GRHL2: variants seen among roughly 807,000 people sequenced by gnomAD.
GRHL2 encodes grainyhead like transcription factor 2.
In GRHL2, 21 loss-of-function variants were observed where a neutral mutation model predicts 83.8. That is an observed-to-expected ratio of 0.25 (90% CI 0.18 to 0.36). The LOEUF (loss-of-function observed/expected upper bound fraction) is 0.36, where lower values mean the gene tolerates loss of function less well. GRHL2 is among the 10% of genes least tolerant of loss of function. GRHL2 has a pLI of 1.00. For synonymous variants in GRHL2, 280 were observed against 278.9 expected (o/e 1.00, Z -0.04); for missense variants, 623 against 781.8 (o/e 0.80, Z 2.42).
chr8:101,652,317 T>TG (rs1813642577), intron 14 of GRHL2, among the ~76,000 whole-genome samples: 1 of 139,824 alleles, frequency 7.2e-6, no homozygotes, highest in African/African-American at 2.9e-5. Context: ...GTAGTGTGTG[T>TG]GCGTGTGTGT....
intron 1 of GRHL2, among the ~76,000 whole-genome samples, chr8:101,506,086 T>C (rs1223157251): frequency 6.6e-6 from 1 of 152,234 alleles, no homozygotes; most frequent in African/African-American, 2.4e-5. Context: ...TACAGAGATT[T>C]TTATTGTACT....
intron 14 of GRHL2, among the ~76,000 whole-genome samples, chr8:101,663,625 A>AT (rs1813973177): frequency 7.0e-6 from 1 of 143,382 alleles, no homozygotes; most frequent in African/African-American, 2.6e-5. Flanking sequence ...AAATAAATAA[A>AT]TAAATAAATA....
intron 7 of GRHL2, among the ~76,000 whole-genome samples, chr8:101,581,052 T>A (rs1010690375): frequency 1.3e-5 from 2 of 152,200 alleles, no homozygotes; most frequent in Non-Finnish European, 2.9e-5. Flanking sequence ...ATATACTGCC[T>A]TTGTATTCCA....
chr8:101,508,692 G>A (rs1810388766), intron 1 of GRHL2, among the ~76,000 whole-genome samples: 1 of 151,944 alleles, frequency 6.6e-6, no homozygotes, highest in South Asian at 2.1e-4. Context: ...CCTAGTCAAG[G>A]GTGAGTTCGG....
chr8:101,540,501 T>G (rs985959086), intron 1 of GRHL2, among the ~76,000 whole-genome samples: 1 of 152,212 alleles, frequency 6.6e-6, no homozygotes, highest in Non-Finnish European at 1.5e-5. Context: ...TTCCAATCAG[T>G]TTCACCAAAC....
the GRHL2 span, among the ~76,000 whole-genome samples, chr8:101,678,771 AC>A: frequency 1.6e-4 from 24 of 151,910 alleles, no homozygotes; most frequent in African/African-American, 5.8e-4. Context: ...CGGGTCCTTG[AC>A]CCCCAAGCAG....
In GRHL2 at chr8:101,573,857, G is replaced by A. The variant is rs768995086; in HGVS notation, c.891+33G>A. 6.2e-6 allele frequency: 10 copies of A among 1,612,588 alleles called. No homozygotes were observed. The South Asian group carries it at 8.8e-5, about 14-fold the overall frequency. On this transcript the variant is annotated intron_variant, in intron 6 of 15. Coordinates refer to ENST00000646743, the MANE Select transcript of GRHL2 (RefSeq NM_024915.4). ...CCACATTTCTCAGATAAAGTACAAAGGAATCCGATGAACGGAATGGCTACC... is the reference window on the plus strand; with the variant it reads ...CCACATTTCTCAGATAAAGTACAAAAGAATCCGATGAACGGAATGGCTACC...
At position 101,598,869 on chromosome 8, in the gene GRHL2, C is replaced by T. The variant is rs569673561; in HGVS notation, c.1004-188C>T. ...GTTTTACTCTTTTAATAGAGGAACA[C>T]GCTTACATTCTTATAGAGTAAGTAT... On this transcript the variant is annotated intron_variant, in intron 7 of 15. Coordinates refer to ENST00000646743, the MANE Select transcript of GRHL2 (RefSeq NM_024915.4). Among the ~76,000 whole-genome samples, 16 of 152,244 alleles carry T rather than the reference C, an allele frequency of 1.1e-4. No individual in the cohort carries two copies. The South Asian group carries it at 1.9e-3, about 18-fold the overall frequency.
intron 8 of GRHL2, among the ~76,000 whole-genome samples, chr8:101,616,088 CTCTT>C (rs545190416): frequency 2.8e-4 from 39 of 139,520 alleles, no homozygotes; most frequent in East Asian, 9.4e-4. Flanking sequence ...CCCTCCCTTT[CTCTT>C]TCTTTCTTCT....
At chr8:101,599,259 A>G in intron 8 of GRHL2, 108 bp downstream of exon 8, 1 of 786,170 alleles carries the variant, frequency 1.3e-6, no homozygotes, top group Non-Finnish European at 2.2e-6. Flanking sequence ...AAAGAAATGA[A>G]CCTTTCATCT....
intron 4 of GRHL2, among the ~76,000 whole-genome samples, chr8:101,559,826 CT>C (rs1811571485): frequency 6.6e-6 from 1 of 152,170 alleles, no homozygotes; most frequent in Non-Finnish European, 1.5e-5. Context: ...CCTTGAAGCT[CT>C]TTGCATTTGA....
the GRHL2 span, among the ~76,000 whole-genome samples, chr8:101,678,769 T>G: frequency 1.4e-4 from 21 of 152,108 alleles, no homozygotes; most frequent in Non-Finnish European, 2.9e-4. Flanking sequence ...AGCGGGTCCT[T>G]GACCCCCAAG....
At chr8:101,675,398 A>T in the GRHL2 span, among the ~76,000 whole-genome samples, 1 of 152,082 alleles carries the variant, frequency 6.6e-6, no homozygotes, top group Non-Finnish European at 1.5e-5. Flanking sequence ...AATCACAAGC[A>T]TTCTTATACA....
intron 1 of GRHL2, among the ~76,000 whole-genome samples, chr8:101,507,259 G>T (rs576741541): frequency 4.6e-5 from 7 of 152,142 alleles, no homozygotes; most frequent in Non-Finnish European, 1.0e-4. Context: ...ATGTTCAGAG[G>T]TTTAAATTTT....
chr8:101,677,504 A>G, the GRHL2 span, among the ~76,000 whole-genome samples: 1 of 115,078 alleles, frequency 8.7e-6, no homozygotes, highest in African/African-American at 3.5e-5. Context: ...GGAACCAAAT[A>G]AAGTGATTAA....
At chr8:101,555,356 T>C (rs897922147) in intron 3 of GRHL2, among the ~76,000 whole-genome samples, 14 of 152,082 alleles carry the variant, frequency 9.2e-5, no homozygotes, top group African/African-American at 3.4e-4. Flanking sequence ...AAATCCTGGG[T>C]TTTGACTAAA....
In GRHL2 at chr8:101,565,683, A is replaced by G. The variant is rs868418861; in HGVS notation, c.679-4656A>G. On this transcript the variant is annotated intron_variant, in intron 4 of 15. Transcript: ENST00000646743. ...GACCTGGAAGTGGCGCAACTGCACC[A>G]TCTCACATTTTGTTGGCTAGAACTA... Among the ~76,000 whole-genome samples the G allele has an allele frequency of 2.6e-5, 4 of 152,202 alleles. No homozygotes were observed. In the South Asian group the frequency reaches 6.2e-4, roughly 24 times the overall value.
intron 7 of GRHL2, among the ~76,000 whole-genome samples, chr8:101,579,357 T>A (rs539241968): frequency 2.6e-5 from 4 of 152,242 alleles, no homozygotes; most frequent in Non-Finnish European, 4.4e-5. Context: ...ACTAGAATGA[T>A]TTCTCAGATC....
At chr8:101,595,100 AC>A (rs1812364860) in intron 7 of GRHL2, among the ~76,000 whole-genome samples, 1 of 152,158 alleles carries the variant, frequency 6.6e-6, no homozygotes, top group Non-Finnish European at 1.5e-5. Context: ...AAGATCAGGG[AC>A]CTAGTTTTGT....
Sources: allele counts gnomAD v4.1 joint callset (sites outside exome capture counted in the v4.1 genomes callset), GRCh38; gene constraint gnomAD v4.1.1; transcripts MANE v1.5; gene names NCBI Gene and HGNC (gene_info 2026-07-23, HGNC 2026-07-21).